Variants in PLA2G4C observed in about 807,000 individuals in gnomAD.
The protein encoded by PLA2G4C is phospholipase A2 group IVC.
Under a neutral mutation model 73.8 loss-of-function variants are expected in PLA2G4C, and 64 were observed. That is an observed-to-expected ratio of 0.87 (90% CI 0.71 to 1.07). PLA2G4C has a LOEUF of 1.07. Among genes scored for constraint, PLA2G4C ranks in the 50% least tolerant of loss-of-function variants. The pLI is 0.00. For missense variants in PLA2G4C, 622 were observed against 665.4 expected (o/e 0.93, Z 0.72); for synonymous variants, 254 against 252.1 (o/e 1.01, Z -0.07).
intron 14 of PLA2G4C, among the ~76,000 whole-genome samples, chr19:48,057,419 C>T (rs1038604044): frequency 2.0e-5 from 3 of 148,028 alleles, no homozygotes; most frequent in African/African-American, 7.4e-5. Context: ...AACTAGAAAC[C>T]ACTCATTAGC....
intron 1 of PLA2G4C, chr19:48,106,773 C>A: frequency 1.8e-6 from 1 of 561,132 alleles, no homozygotes. Flanking sequence ...ATTTCAAGCG[C>A]GTCTCTCTGA....
intron 4 of PLA2G4C, among the ~76,000 whole-genome samples, chr19:48,101,126 A>ATATTTTTTTT (rs1491313107): frequency 2.7e-5 from 2 of 74,132 alleles, no homozygotes; most frequent in African/African-American, 1.3e-4. Flanking sequence ...ATATATATAT[A>ATATTTTTTTT]TTTTTTTTTT....
chr19:48,110,604 G>A lies in PLA2G4C; in HGVS notation c.-150C>T, dbSNP rs528250059. On this transcript the variant is annotated 5_prime_UTR_variant, in exon 1 of 17. Transcript: ENST00000599921. The stretch of plus-strand genomic sequence containing the variant: ...TAGTCGCTGGACAGCTCCTTCAGCC[G>A]GAATCTCCGCGGGTGAAGACTGCGG... 2 of 548,970 alleles carry A rather than the reference G, an allele frequency of 3.6e-6. No individual in the cohort carries two copies. The highest frequency in any genetic ancestry group is 4.8e-6 in the Non-Finnish European group (2 of 413,420). The allele number at this position is 548,970 out of a possible 1,614,324, so 34.0% of individuals were successfully genotyped here. A position where few individuals can be genotyped will look rare whatever the true frequency, so the allele number is the denominator to read the frequency against.
chr19:48,062,187 T>G (rs930830258), intron 13 of PLA2G4C, 35 bp from the exon 14 acceptor site: 2 of 1,511,356 alleles, frequency 1.3e-6, no homozygotes, highest in Non-Finnish European at 1.8e-6. Flanking sequence ...ATCAGCTGCT[T>G]CTGGGGACTG....
intron 12 of PLA2G4C, among the ~76,000 whole-genome samples, chr19:48,071,448 G>C (rs775961486): frequency 6.6e-6 from 1 of 151,480 alleles, no homozygotes; most frequent in Non-Finnish European, 1.5e-5. Flanking sequence ...GTGCCACCAC[G>C]CCCGGCGAAT....
chr19:48,083,384 T>C (rs918918065), intron 10 of PLA2G4C, among the ~76,000 whole-genome samples: 19 of 109,668 alleles, frequency 1.7e-4, no homozygotes, highest in African/African-American at 7.2e-4. Context: ...TGTTGTTGAT[T>C]TTCTTTTCTT....
intron 16 of PLA2G4C, among the ~76,000 whole-genome samples, chr19:48,049,946 G>A (rs1205061135): frequency 1.3e-5 from 2 of 152,194 alleles, no homozygotes; most frequent in East Asian, 1.9e-4. Context: ...TCTTTGAGAC[G>A]GAATCTCCCT....
At chr19:48,097,250 T>C (rs913063282) in intron 6 of PLA2G4C, 3 of 118,006 alleles carry the variant, frequency 2.5e-5, no homozygotes, top group African/African-American at 3.7e-5. Context: ...TTTTCTTTTT[T>C]CTTTTTTTTT....
chr19:48,105,988 TTCTTTC>T (rs1252475203), intron 2 of PLA2G4C, among the ~76,000 whole-genome samples: 4 of 116,418 alleles, frequency 3.4e-5, no homozygotes, highest in Non-Finnish European at 7.0e-5. Flanking sequence ...CTTTCTTTCT[TTCTTTC>T]TCTTTCTCTC....
At chr19:48,050,409 T>C (rs144121033) in intron 16 of PLA2G4C, among the ~76,000 whole-genome samples, 24 of 152,226 alleles carry the variant, frequency 1.6e-4, no homozygotes, top group African/African-American at 4.8e-4. Flanking sequence ...CCTGAGGTCA[T>C]TGACCCAAAC....
chr19:48,069,319 T>A (rs1285778343), intron 12 of PLA2G4C, among the ~76,000 whole-genome samples: 2 of 152,160 alleles, frequency 1.3e-5, no homozygotes, highest in Non-Finnish European at 2.9e-5. Context: ...GCTTGTTCTC[T>A]TTAGGTTCAT....
intron 14 of PLA2G4C, 136 bp from the exon 15 acceptor site, chr19:48,055,185 G>C: frequency 1.3e-6 from 1 of 742,560 alleles, no homozygotes; most frequent in East Asian, 2.6e-5. Context: ...AGCTTGGACA[G>C]GGACAACATC....
chr19:48,065,900 C>T (rs957027778), intron 13 of PLA2G4C, among the ~76,000 whole-genome samples: 1 of 151,936 alleles, frequency 6.6e-6, no homozygotes, highest in Non-Finnish European at 1.5e-5. Context: ...TTGAGACCAG[C>T]CTGACCAACA....
chr19:48,082,501 T>C (rs1372570701), intron 10 of PLA2G4C, among the ~76,000 whole-genome samples: 5 of 135,790 alleles, frequency 3.7e-5, no homozygotes, highest in African/African-American at 7.8e-5. Context: ...TCTTTCTTTT[T>C]TTTTTTTTTT....
At chr19:48,107,997 C>A (rs1302609442) in intron 1 of PLA2G4C, among the ~76,000 whole-genome samples, 2 of 152,116 alleles carry the variant, frequency 1.3e-5, no homozygotes, top group African/African-American at 4.8e-5. Flanking sequence ...CTTACTCTGC[C>A]CCTTATTATC....
intron 1 of PLA2G4C, among the ~76,000 whole-genome samples, chr19:48,106,952 C>A (rs952173215): frequency 2.0e-4 from 30 of 152,112 alleles, no homozygotes; most frequent in African/African-American, 7.2e-4. Flanking sequence ...TCAAGCGATT[C>A]TCCTGCCTCA....
intron 16 of PLA2G4C, 154 bp downstream of exon 16, chr19:48,052,843 G>T: frequency 2.8e-6 from 2 of 702,884 alleles, no homozygotes; most frequent in Admixed American, 5.9e-5. Context: ...CCCTGTTCAT[G>T]GTCTGTCCCC....
At chr19:48,104,890 C>A (rs1285204760) in intron 3 of PLA2G4C, among the ~76,000 whole-genome samples, 166 bp from the exon 4 acceptor site, 2 of 152,028 alleles carry the variant, frequency 1.3e-5, no homozygotes, top group African/African-American at 4.8e-5. Flanking sequence ...CAAGACCAAC[C>A]TGGTCAATGT....
At position 48,053,053 on chromosome 19, in the gene PLA2G4C, C is replaced by T. The variant is rs767337351; in HGVS notation, c.1524G>A (p.Lys508=). Residue 508 remains lysine (K), a synonymous_variant, in exon 16 of 17, where the codon AAG becomes AAA. Coordinates refer to ENST00000599921, the MANE Select transcript of PLA2G4C (RefSeq NM_003706.3). ...DVVVLLLALA[K]KNVRENKKKI... is the part of the protein sequence containing the mutation. ...TCTTCTTGTTTTCCCTGACATTCTT[C>T]TTGGCTAATGCCAAGAGTAGCACCA... The T allele has an allele frequency of 1.9e-6, 3 of 1,613,708 alleles. No homozygotes were observed. The East Asian group carries it at 6.7e-5, about 36-fold the overall frequency.
Sources: gnomAD v4.1 joint callset for allele counts (sites outside exome capture counted in the v4.1 genomes callset) on GRCh38, gnomAD v4.1.1 for gene constraint, MANE v1.5 for transcripts, NCBI Gene and HGNC (gene_info 2026-07-23, HGNC 2026-07-21) for gene names.